PRKN: variants seen among roughly 807,000 people sequenced by gnomAD.
PRKN encodes the protein E3 ubiquitin-protein ligase parkin.
A neutral mutation model predicts 59.5 loss-of-function variants in PRKN; 56 were observed. The ratio of observed to expected loss-of-function variants is 0.94; its 90% CI spans 0.76 to 1.18. PRKN has a LOEUF of 1.18. PRKN is among the 50% of genes most tolerant of loss of function. PRKN has a pLI of 0.00. For synonymous variants in PRKN, 250 were observed against 222.1 expected (o/e 1.13, Z -1.12); for missense variants, 657 against 596.4 (o/e 1.10, Z -1.06).
intron 2 of PRKN, among the ~76,000 whole-genome samples, chr6:162,379,718 C>T (rs1412215317): frequency 6.6e-6 from 1 of 152,152 alleles, no homozygotes; most frequent in Non-Finnish European, 1.5e-5. Context: ...CTGGGGACGT[C>T]ACATATTATC....
intron 2 of PRKN, among the ~76,000 whole-genome samples, chr6:162,387,549 CACACACAGAGAGAGAGAG>C (rs1786903326): frequency 1.3e-5 from 1 of 75,384 alleles, no homozygotes; most frequent in African/African-American, 6.0e-5. Context: ...CACACACACA[CACACACAGAGAGAGAGAG>C]AGAGAGAGAG....
intron 4 of PRKN, among the ~76,000 whole-genome samples, chr6:162,110,673 C>T (rs1353053496): frequency 6.6e-6 from 1 of 152,090 alleles, no homozygotes; most frequent in African/African-American, 2.4e-5. Context: ...CTACTAATTG[C>T]ATAAGAAAAA....
Position 161,363,190 on chromosome 6 carries a change from C to T in PRKN, c.1168-2985G>A, listed in dbSNP as rs192991036. Among the ~76,000 whole-genome samples the T allele has an allele frequency of 2.0e-5, 3 of 152,018 alleles. No individual in the cohort carries two copies. The highest frequency in any genetic ancestry group is 4.4e-5 in the Non-Finnish European group (3 of 68,004). Reference sequence around the variant, plus strand: ...CTGGGGGGCAGAGGTTGCAGTGAGCCGAGATTTTGCCACTGCATTCCAGTC... The same window carrying T: ...CTGGGGGGCAGAGGTTGCAGTGAGCTGAGATTTTGCCACTGCATTCCAGTC... On this transcript the variant is annotated intron_variant, in intron 10 of 11. Coordinates refer to ENST00000366898, the MANE Select transcript of PRKN (RefSeq NM_004562.3). The surrounding 1 kb of genome is among the most constrained non-coding windows in gnomAD (Gnocchi z 4.1).
At chr6:162,071,567 T>C (rs924272928) in intron 4 of PRKN, among the ~76,000 whole-genome samples, 3 of 150,914 alleles carry the variant, frequency 2.0e-5, no homozygotes, top group Non-Finnish European at 2.9e-5. Context: ...TGTGAACTTA[T>C]CAGTGGATTC....
intron 4 of PRKN, among the ~76,000 whole-genome samples, chr6:162,198,666 C>A (rs964052213): frequency 4.0e-5 from 6 of 151,678 alleles, no homozygotes; most frequent in African/African-American, 1.5e-4. Context: ...AGTCAGGATT[C>A]TAATGGGGCA....
chr6:162,584,835 ATCCCCTCCCCTCCCCTGTCCCATCTCCT>A (rs1562409376), intron 1 of PRKN, among the ~76,000 whole-genome samples: 17 of 2,662 alleles, frequency 6.4e-3, no homozygotes, highest in South Asian at 0.019. Flanking sequence ...CCCCTGTCCC[ATCCCCTCCCCTCCCCTGTCCCATCTCCT>A]CCCCTCCCCT....
chr6:162,676,373 T>C (rs1222440199), intron 1 of PRKN, among the ~76,000 whole-genome samples: 1 of 150,670 alleles, frequency 6.6e-6, no homozygotes, highest in African/African-American at 2.4e-5. Context: ...ATAGCAGAGG[T>C]GAAAAAAATA....
At chr6:161,553,347 C>T (rs560786365) in intron 8 of PRKN, among the ~76,000 whole-genome samples, 2 of 151,588 alleles carry the variant, frequency 1.3e-5, no homozygotes, top group African/African-American at 4.9e-5. Flanking sequence ...TCCTTCTTTC[C>T]TCTCTCCCTA....
chr6:162,492,502 G>A (rs372249822), intron 1 of PRKN, among the ~76,000 whole-genome samples: 2 of 152,160 alleles, frequency 1.3e-5, no homozygotes, highest in Non-Finnish European at 2.9e-5. Flanking sequence ...CCTGAAAGTC[G>A]AGAAGCAGAA....
At chr6:161,970,933 G>A (rs886921746) in intron 6 of PRKN, among the ~76,000 whole-genome samples, 2 of 152,094 alleles carry the variant, frequency 1.3e-5, no homozygotes, top group South Asian at 2.1e-4. Flanking sequence ...CAAACTGCAC[G>A]GAGTGTCCGT....
In PRKN at chr6:161,785,979, A is replaced by G. The variant is rs551059949; in HGVS notation, c.735-71T>C. 3.6e-5 allele frequency: 54 copies of G among 1,485,978 alleles called. No homozygotes were observed. The African/African-American group carries it at 7.1e-4, about 19-fold the overall frequency. 92.0% of individuals were successfully genotyped at this position (1,485,978 alleles called of 1,614,324 possible). ...GAAAGGCAGCACGTGCTTTAGACCAATTTCTGTAATCCTGGAGGGTTGTGT... is the reference window on the plus strand; with the variant it reads ...GAAAGGCAGCACGTGCTTTAGACCAGTTTCTGTAATCCTGGAGGGTTGTGT... On this transcript the variant is annotated intron_variant, in intron 6 of 11. Coordinates refer to ENST00000366898, the MANE Select transcript of PRKN (RefSeq NM_004562.3).
chr6:161,688,161 C>T (rs994881133), intron 7 of PRKN, among the ~76,000 whole-genome samples: 1 of 152,198 alleles, frequency 6.6e-6, no homozygotes, highest in Non-Finnish European at 1.5e-5. Flanking sequence ...TAGACTGGAT[C>T]TTAAGTGAAG....
chr6:161,601,987 AAAG>A lies in PRKN; in HGVS notation c.872-32574_872-32572del, dbSNP rs527409094. On this transcript the variant is annotated intron_variant, in intron 7 of 11. Coordinates refer to ENST00000366898, the MANE Select transcript of PRKN (RefSeq NM_004562.3). ...CATGTAATGCTGTATTTAAATATCA[AAAG>A]AAGCTAATTCAATGTGATGAAGTAA... 7.2e-5 allele frequency among the ~76,000 whole-genome samples: 11 copies of A among 152,350 alleles called. No individual in the cohort carries two copies. In the East Asian group the frequency reaches 2.1e-3, roughly 29 times the overall value.
intron 5 of PRKN, among the ~76,000 whole-genome samples, chr6:162,016,108 G>A (rs1455079772): frequency 4.6e-5 from 7 of 151,262 alleles, no homozygotes; most frequent in African/African-American, 1.7e-4. Context: ...GCAATTTTCT[G>A]CCAAAGAAAT....
At chr6:162,249,003 C>T (rs936111191) in intron 3 of PRKN, among the ~76,000 whole-genome samples, 3 of 151,872 alleles carry the variant, frequency 2.0e-5, no homozygotes, top group African/African-American at 7.3e-5. Context: ...CTCAGCCTCC[C>T]GAGTACCTGG....
intron 6 of PRKN, among the ~76,000 whole-genome samples, chr6:161,798,021 G>A (rs1226702309): frequency 6.6e-6 from 1 of 152,168 alleles, no homozygotes; most frequent in Non-Finnish European, 1.5e-5. Flanking sequence ...CTAACATGGT[G>A]AAACCCTGTC....
intron 5 of PRKN, among the ~76,000 whole-genome samples, chr6:161,988,361 G>T (rs893746379): frequency 2.0e-5 from 3 of 151,866 alleles, no homozygotes; most frequent in Non-Finnish European, 1.5e-5. Flanking sequence ...AGTGGGGCGC[G>T]CATGTAATCA....
At chr6:161,508,195 A>C (rs529526885) in intron 9 of PRKN, among the ~76,000 whole-genome samples, 1 of 152,300 alleles carries the variant, frequency 6.6e-6, no homozygotes, top group South Asian at 2.1e-4. Flanking sequence ...AATAGCAAAA[A>C]AATGTGTGTG....
intron 2 of PRKN, among the ~76,000 whole-genome samples, chr6:162,434,906 G>A (rs28360621): frequency 0.28 from 41,973 of 152,072 alleles, 6,084 homozygotes; most frequent in African/African-American, 0.37. Flanking sequence ...AGGGAAAAAA[G>A]TAAAGATGGA....
Sources: gnomAD v4.1 joint callset for allele counts (sites outside exome capture counted in the v4.1 genomes callset) on GRCh38, gnomAD v4.1.1 for gene constraint, Gnocchi (gnomAD v3.1) non-coding constraint, MANE v1.5 for transcripts, NCBI Gene and HGNC (gene_info 2026-07-23, HGNC 2026-07-21) for gene names.